MYO5B: variants seen among roughly 807,000 people sequenced by gnomAD.
The protein encoded by MYO5B is myosin VB.
In MYO5B, 143 loss-of-function variants were observed where a neutral mutation model predicts 229.3. The ratio of observed to expected loss-of-function variants is 0.62; its 90% CI spans 0.54 to 0.72. MYO5B has a LOEUF of 0.72. Among genes scored for constraint, MYO5B ranks in the 30% least tolerant of loss-of-function variants. The pLI is 0.00. For missense variants in MYO5B, 2,321 were observed against 2,331.0 expected, an observed-to-expected ratio of 1.00 and a Z score of 0.09; for synonymous variants, 918 against 885.2, an observed-to-expected ratio of 1.04 and a Z score of -0.66.
At chr18:49,954,164 G>A (rs2025465117) in intron 13 of MYO5B, 149 bp downstream of exon 13, 3 of 1,177,154 alleles carry the variant, frequency 2.5e-6, no homozygotes, top group African/African-American at 1.5e-5. Flanking sequence ...AAGTAGAGGG[G>A]TGGGTAAAAG....
At chr18:49,933,751 C>T (rs576332104) in intron 16 of MYO5B, among the ~76,000 whole-genome samples, 32 of 152,260 alleles carry the variant, frequency 2.1e-4, no homozygotes, top group African/African-American at 7.5e-4. Context: ...CTGAGCAACT[C>T]CGATTACAGG....
chr18:50,044,369 C>T (rs776805045), intron 2 of MYO5B, among the ~76,000 whole-genome samples: 2 of 152,110 alleles, frequency 1.3e-5, no homozygotes, highest in East Asian at 1.9e-4. Flanking sequence ...ACTTAGTGAT[C>T]GCAGCCATGA....
In MYO5B at chr18:50,145,497, C is replaced by CAAAAAAAAAAAAAAAAAAAAA. The variant is rs369507800; in HGVS notation, c.27+49249_27+49269dup. ...TGGGCAACAGAGCAAGACTCCATCT[C>CAAAAAAAAAAAAAAAAAAAAA]AAAAAAAAAAAAAAAAAAAAAAAAA... On this transcript the variant is annotated intron_variant, in intron 1 of 39. Coordinates refer to ENST00000285039, the MANE Select transcript of MYO5B (RefSeq NM_001080467.3). Among the ~76,000 whole-genome samples the CAAAAAAAAAAAAAAAAAAAAA allele has an allele frequency of 7.1e-5, 5 of 70,010 alleles. 1 individual carries two copies. The highest frequency in any genetic ancestry group is 2.9e-4 in the African/African-American group (5 of 17,264). 45.9% of individuals were successfully genotyped at this position (70,010 alleles called of 152,430 possible).
chr18:50,134,359 T>A (rs2032301379), intron 1 of MYO5B, among the ~76,000 whole-genome samples: 1 of 151,734 alleles, frequency 6.6e-6, no homozygotes, highest in South Asian at 2.1e-4. Flanking sequence ...ATCGAGACCA[T>A]CCTAGCCAAC....
intron 1 of MYO5B, among the ~76,000 whole-genome samples, chr18:50,170,522 C>T (rs1403777117): frequency 7.9e-6 from 1 of 126,584 alleles, no homozygotes; most frequent in Non-Finnish European, 1.7e-5. Flanking sequence ...TACCATGATA[C>T]CTCATGTTGG....
chr18:49,995,252 A>T (rs1388978271), intron 5 of MYO5B, among the ~76,000 whole-genome samples: 3 of 115,908 alleles, frequency 2.6e-5, no homozygotes, highest in Non-Finnish European at 5.0e-5. Flanking sequence ...ATCCTCACTT[A>T]TATCCTTTTT....
At chr18:49,982,961 T>A (rs1227768865) in intron 8 of MYO5B, among the ~76,000 whole-genome samples, 1 of 152,178 alleles carries the variant, frequency 6.6e-6, no homozygotes, top group Admixed American at 6.5e-5. Context: ...ACTGCCCACA[T>A]CAGCACTACA....
chr18:49,999,439 T>G (rs980355368), intron 5 of MYO5B, among the ~76,000 whole-genome samples: 105 of 152,138 alleles, frequency 6.9e-4, no homozygotes, highest in African/African-American at 2.2e-3. Context: ...AATGCTGGAG[T>G]AAATATGCTA....
chr18:50,147,008 C>T (rs1253392140), intron 1 of MYO5B, among the ~76,000 whole-genome samples: 1 of 152,208 alleles, frequency 6.6e-6, no homozygotes, highest in Non-Finnish European at 1.5e-5. Context: ...GAGCATCACA[C>T]TTCACAGGGT....
chr18:50,001,443 G>A, intron 4 of MYO5B, 32 bp from the exon 5 acceptor site: 2 of 1,613,156 alleles, frequency 1.2e-6, no homozygotes, highest in African/African-American at 1.3e-5. Flanking sequence ...TAAGTCATTG[G>A]CCATGGAAAG....
intron 9 of MYO5B, 58 bp downstream of exon 9, chr18:49,980,386 T>A: frequency 5.8e-6 from 7 of 1,211,628 alleles, no homozygotes; most frequent in Non-Finnish European, 7.3e-6. Context: ...ATTTCAGTCA[T>A]ATCAAAGAAC....
chr18:49,849,923 A>G (rs1266153545), intron 31 of MYO5B: 1 of 482,924 alleles, frequency 2.1e-6, no homozygotes, highest in South Asian at 2.0e-5. Context: ...CGCCTTGCTG[A>G]ATCCCAAGCC....
At chr18:49,835,204 A>G (rs2144028402) in intron 39 of MYO5B, 140 bp downstream of exon 39, 1 of 667,672 alleles carries the variant, frequency 1.5e-6, no homozygotes, top group South Asian at 1.8e-5. Context: ...ACCTAAGTAG[A>G]AAGTCTAGGA....
intron 1 of MYO5B, among the ~76,000 whole-genome samples, chr18:50,127,987 C>T (rs1373746932): frequency 6.6e-6 from 1 of 152,212 alleles, no homozygotes; most frequent in African/African-American, 2.4e-5. Context: ...AGCCTGCTGG[C>T]TTTTGGAACT....
chr18:49,834,683 G>T (rs1156359473), intron 39 of MYO5B, among the ~76,000 whole-genome samples: 1 of 151,876 alleles, frequency 6.6e-6, no homozygotes, highest in Non-Finnish European at 1.5e-5. Flanking sequence ...CTGTCGCCCA[G>T]GCTGGAGTTC....
At chr18:50,092,768 T>G (rs2031473959) in intron 1 of MYO5B, among the ~76,000 whole-genome samples, 1 of 152,162 alleles carries the variant, frequency 6.6e-6, no homozygotes, top group Admixed American at 6.6e-5. Flanking sequence ...TGGTAATTAG[T>G]AGGAACAGAA....
chr18:49,887,684 TTTC>T (rs1364897964), intron 22 of MYO5B, among the ~76,000 whole-genome samples: 7 of 151,970 alleles, frequency 4.6e-5, no homozygotes, highest in Non-Finnish European at 1.0e-4. Context: ...GCCACAGGTG[TTTC>T]TTTTGTTTTT....
intron 17 of MYO5B, among the ~76,000 whole-genome samples, chr18:49,923,332 C>T (rs2025095498): frequency 6.6e-6 from 1 of 152,170 alleles, no homozygotes; most frequent in Admixed American, 6.5e-5. Flanking sequence ...TTCATTCCCT[C>T]CCAGGAAGCA....
chr18:50,101,903 T>A (rs2144503440), intron 1 of MYO5B, among the ~76,000 whole-genome samples: 1 of 152,320 alleles, frequency 6.6e-6, no homozygotes, highest in African/African-American at 2.4e-5. Context: ...CAAAGGAATA[T>A]AAATCATTTT....
Sources: gnomAD v4.1 joint callset for allele counts (sites outside exome capture counted in the v4.1 genomes callset) on GRCh38, gnomAD v4.1.1 for gene constraint, MANE v1.5 for transcripts, NCBI Gene and HGNC (gene_info 2026-07-23, HGNC 2026-07-21) for gene names.